Variants in PIK3CB observed in about 807,000 individuals in gnomAD.
PIK3CB encodes the protein phosphatidylinositol 4,5-bisphosphate 3-kinase catalytic subunit beta isoform.
In PIK3CB, 39 loss-of-function variants were observed where a neutral mutation model predicts 136.8. That is an observed-to-expected ratio of 0.29 (90% CI 0.22 to 0.37). The LOEUF (loss-of-function observed/expected upper bound fraction) is 0.37, where lower values mean the gene tolerates loss of function less well. Among genes scored for constraint, PIK3CB ranks in the 10% least tolerant of loss-of-function variants. PIK3CB has a pLI of 1.00. For missense variants in PIK3CB, 868 were observed against 1,275.4 expected (o/e 0.68, Z 4.87); for synonymous variants, 428 against 436.6 (o/e 0.98, Z 0.25).
intron 2 of PIK3CB, among the ~76,000 whole-genome samples, chr3:138,784,161 G>A (rs2045949049): frequency 6.6e-6 from 1 of 152,152 alleles, no homozygotes; most frequent in Non-Finnish European, 1.5e-5. Flanking sequence ...GAAGACAAGT[G>A]GATCACCTGA....
chr3:138,812,495 A>G (rs1211880407), intron 1 of PIK3CB, among the ~76,000 whole-genome samples: 1 of 151,348 alleles, frequency 6.6e-6, no homozygotes, highest in Non-Finnish European at 1.5e-5. Flanking sequence ...TCAGCCTTCC[A>G]AAGTGTTGGG....
intron 1 of PIK3CB, among the ~76,000 whole-genome samples, chr3:138,804,062 A>G (rs2046204540): frequency 6.6e-6 from 1 of 152,172 alleles, no homozygotes; most frequent in Admixed American, 6.6e-5. Context: ...AGTGGCTCAC[A>G]CTTATAATCC....
intron 2 of PIK3CB, among the ~76,000 whole-genome samples, chr3:138,788,606 G>A (rs546281182): frequency 3.0e-4 from 38 of 127,644 alleles, no homozygotes; most frequent in Admixed American, 1.1e-3. Flanking sequence ...GCAGTGAGCC[G>A]AGATCATGCC....
At chr3:138,768,215 G>A (rs1242255891) in intron 2 of PIK3CB, among the ~76,000 whole-genome samples, 1 of 152,008 alleles carries the variant, frequency 6.6e-6, no homozygotes, top group East Asian at 1.9e-4. Flanking sequence ...GCAGAGAGGA[G>A]GCCCTGGAAT....
chr3:138,757,596 G>A (rs533274816), intron 3 of PIK3CB, among the ~76,000 whole-genome samples: 1 of 143,052 alleles, frequency 7.0e-6, no homozygotes, highest in Non-Finnish European at 1.5e-5. Context: ...AAAGAGGAAG[G>A]AAGAAAGGAA....
chr3:138,735,789 G>A (rs982306593), intron 6 of PIK3CB, among the ~76,000 whole-genome samples: 2 of 152,018 alleles, frequency 1.3e-5, no homozygotes, highest in African/African-American at 4.8e-5. Context: ...GTGATTCAAT[G>A]TATCGTAATT....
At chr3:138,743,115 C>A in intron 4 of PIK3CB, among the ~76,000 whole-genome samples, 1 of 152,058 alleles carries the variant, frequency 6.6e-6, no homozygotes, top group East Asian at 1.9e-4. Context: ...TTTTTATTTA[C>A]AAACCAAGTA....
intron 20 of PIK3CB, among the ~76,000 whole-genome samples, chr3:138,664,819 G>A (rs547515267): frequency 2.0e-5 from 3 of 152,182 alleles, no homozygotes; most frequent in African/African-American, 4.8e-5. Context: ...ACTTTACTGC[G>A]GGGCTCCAAA....
chr3:138,681,008 A>T (rs1476054860), intron 19 of PIK3CB, among the ~76,000 whole-genome samples: 2 of 142,272 alleles, frequency 1.4e-5, no homozygotes, highest in African/African-American at 2.6e-5. Flanking sequence ...TATAATCTGT[A>T]CTTCTTAATT....
At chr3:138,829,502 T>C (rs1274324181) in intron 1 of PIK3CB, among the ~76,000 whole-genome samples, 1 of 151,824 alleles carries the variant, frequency 6.6e-6, no homozygotes, top group African/African-American at 2.4e-5. Context: ...AAATTTAGAG[T>C]GTGCTCAAGG....
intron 2 of PIK3CB, among the ~76,000 whole-genome samples, chr3:138,779,109 G>A (rs1419359636): frequency 3.6e-5 from 5 of 140,078 alleles, no homozygotes; most frequent in Non-Finnish European, 6.0e-5. Context: ...TTTTTGAGAC[G>A]GAGTCTCGCT....
intron 11 of PIK3CB, 125 bp downstream of exon 11, chr3:138,707,034 C>T: frequency 1.4e-6 from 1 of 725,378 alleles, no homozygotes; most frequent in Non-Finnish European, 2.4e-6. Flanking sequence ...CCATGGTCTT[C>T]CCACTCAACA....
At chr3:138,824,506 G>A (rs1356866893) in intron 1 of PIK3CB, among the ~76,000 whole-genome samples, 1 of 151,958 alleles carries the variant, frequency 6.6e-6, no homozygotes, top group East Asian at 1.9e-4. Flanking sequence ...AGAAAATAAG[G>A]AGATATGGCC....
At chr3:138,753,942 G>C (rs1285433880) in intron 4 of PIK3CB, among the ~76,000 whole-genome samples, 1 of 152,160 alleles carries the variant, frequency 6.6e-6, no homozygotes, top group Non-Finnish European at 1.5e-5. Context: ...GAAAAGCTAA[G>C]TATTTTAATC....
intron 1 of PIK3CB, among the ~76,000 whole-genome samples, chr3:138,833,541 G>C (rs550466267): frequency 4.6e-5 from 7 of 152,188 alleles, no homozygotes; most frequent in African/African-American, 1.4e-4. Flanking sequence ...TGAGACCTCT[G>C]ACTCGTTGGA....
At chr3:138,831,731 C>T (rs891999348) in intron 1 of PIK3CB, among the ~76,000 whole-genome samples, 4 of 152,160 alleles carry the variant, frequency 2.6e-5, no homozygotes, top group Non-Finnish European at 4.4e-5. Flanking sequence ...CTGAGACCAT[C>T]CTGGCCAATA....
chr3:138,675,196 G>A (rs574470338), intron 19 of PIK3CB, among the ~76,000 whole-genome samples: 4 of 152,164 alleles, frequency 2.6e-5, no homozygotes, highest in African/African-American at 9.6e-5. Flanking sequence ...AAATTCACCA[G>A]GTAGACACAA....
intron 1 of PIK3CB, chr3:138,825,883 T>G (rs774600742): frequency 1.5e-4 from 231 of 1,521,882 alleles, no homozygotes; most frequent in Non-Finnish European, 2.0e-4. Flanking sequence ...ATGTCAAGAA[T>G]GTGTCTGTCA....
intron 6 of PIK3CB, among the ~76,000 whole-genome samples, chr3:138,735,623 T>C (rs190077131): frequency 1.3e-5 from 2 of 152,202 alleles, no homozygotes; most frequent in East Asian, 3.9e-4. Flanking sequence ...CTACCGATCA[T>C]CCCAGTTTGA....
Sources: allele counts gnomAD v4.1 joint callset (sites outside exome capture counted in the v4.1 genomes callset), GRCh38; gene constraint gnomAD v4.1.1; transcripts MANE v1.5; gene names NCBI Gene and HGNC (gene_info 2026-07-23, HGNC 2026-07-21).